The following CDH20 variants were observed in gnomAD, a reference collection of about 807,000 sequenced individuals.
CDH20 encodes cadherin-20.
CDH20 carries 29 observed loss-of-function variants against 74.2 expected under a neutral mutation model. The observed-to-expected ratio is 0.39, with a 90% CI of 0.29 to 0.53. The LOEUF is 0.53. Ranked by LOEUF, CDH20 falls within the 20% of genes least tolerant of loss-of-function variation. The probability of loss-of-function intolerance (pLI) is 0.69; values close to 1 mark genes in which losing one functional copy is unlikely to be tolerated. For synonymous variants in CDH20, 469 were observed against 405.4 expected, an observed-to-expected ratio of 1.16 and a Z score of -1.88; for missense variants, 988 against 1,048.3, an observed-to-expected ratio of 0.94 and a Z score of 0.79.
intron 1 of CDH20, among the ~76,000 whole-genome samples, chr18:61,455,973 G>A (rs773255010): frequency 3.9e-5 from 6 of 152,262 alleles, no homozygotes; most frequent in African/African-American, 9.6e-5. Flanking sequence ...ACTGGAAAAC[G>A]TTTAAATAGA....
chr18:61,475,070 G>A (rs555691457), intron 1 of CDH20, among the ~76,000 whole-genome samples: 2 of 152,178 alleles, frequency 1.3e-5, no homozygotes, highest in South Asian at 2.1e-4. Context: ...CATTAGAGAC[G>A]TTTAGCAGGT....
At chr18:61,418,763 A>G (rs917141471) in intron 1 of CDH20, among the ~76,000 whole-genome samples, 2 of 152,114 alleles carry the variant, frequency 1.3e-5, no homozygotes, top group African/African-American at 4.8e-5. Context: ...TTTTTATGCA[A>G]AAAATACAAT....
At chr18:61,350,618 T>C (rs1404757062) in intron 1 of CDH20, among the ~76,000 whole-genome samples, 1 of 152,196 alleles carries the variant, frequency 6.6e-6, no homozygotes, top group East Asian at 1.9e-4. Flanking sequence ...GGGTAATATA[T>C]GCTAGTTACT....
chr18:61,452,210 T>C (rs185818716), intron 1 of CDH20, among the ~76,000 whole-genome samples: 8 of 152,304 alleles, frequency 5.3e-5, no homozygotes, highest in Admixed American at 5.2e-4. Context: ...TCATTTCCAG[T>C]CTTCATAACT....
At chr18:61,495,148 G>A (rs769145463) in intron 2 of CDH20, among the ~76,000 whole-genome samples, 3 of 152,244 alleles carry the variant, frequency 2.0e-5, no homozygotes, top group East Asian at 1.9e-4. Context: ...GACTCTGCTC[G>A]GAAGCTTCTT....
chr18:61,370,539 T>C (rs781179619), intron 1 of CDH20, among the ~76,000 whole-genome samples: 5 of 152,118 alleles, frequency 3.3e-5, no homozygotes, highest in Non-Finnish European at 5.9e-5. Context: ...CAATGTGATG[T>C]TTGGTAAACA....
intron 1 of CDH20, among the ~76,000 whole-genome samples, chr18:61,449,542 C>G (rs966271664): frequency 6.6e-5 from 10 of 151,974 alleles, no homozygotes; most frequent in African/African-American, 2.4e-4. Flanking sequence ...ATATATTGTC[C>G]AAGCGAATAG....
Position 61,528,110 on chromosome 18 carries a change from T to G in CDH20, c.1161T>G (p.Pro387=), listed in dbSNP as rs1177012774. The G allele has an allele frequency of 6.2e-7, 1 of 1,614,176 alleles. No homozygotes were observed. The highest frequency in any genetic ancestry group is 1.1e-5 in the South Asian group (1 of 91,082). The change falls in exon 7 of 12, where the codon CCT becomes CCG. Residue 387 remains proline (P), a synonymous_variant. Coordinates refer to ENST00000262717, the MANE Select transcript of CDH20 (RefSeq NM_031891.4). ...GTGTGGAAGACGTGGACGAGCCCCC[T>G]GTGTTTGAACCTGGCTTTTACTTTG... ...HISVEDVDEP[P]VFEPGFYFVE...
intron 1 of CDH20, among the ~76,000 whole-genome samples, chr18:61,450,992 A>G (rs1041632350): frequency 6.6e-6 from 1 of 152,104 alleles, no homozygotes; most frequent in South Asian, 2.1e-4. Flanking sequence ...TTGCTGGCCC[A>G]TAATACACTC....
chr18:61,544,311 T>TA (rs1818243234), intron 9 of CDH20, among the ~76,000 whole-genome samples: 1 of 152,224 alleles, frequency 6.6e-6, no homozygotes, highest in Non-Finnish European at 1.5e-5. Flanking sequence ...GGGCGTGTGT[T>TA]ACAGTGTGCT....
chr18:61,492,603 GCGGT>G (rs1360146034), intron 2 of CDH20, among the ~76,000 whole-genome samples: 4 of 152,164 alleles, frequency 2.6e-5, no homozygotes, highest in African/African-American at 9.7e-5. Flanking sequence ...TCGCGTTGCA[GCGGT>G]ATGACCTTTG....
At chr18:61,339,742 C>T (rs1477338744) in intron 1 of CDH20, among the ~76,000 whole-genome samples, 1 of 124,532 alleles carries the variant, frequency 8.0e-6, no homozygotes. Flanking sequence ...GGCTGGAGTG[C>T]AGTGGCATGA....
chr18:61,360,345 AATGG>A (rs935660044), intron 1 of CDH20, among the ~76,000 whole-genome samples: 9 of 152,176 alleles, frequency 5.9e-5, no homozygotes, highest in African/African-American at 1.7e-4. Flanking sequence ...TAGATTGATG[AATGG>A]ATGGGGGAAA....
intron 10 of CDH20, among the ~76,000 whole-genome samples, chr18:61,547,339 A>G (rs539077314): frequency 2.9e-3 from 447 of 152,182 alleles, no homozygotes; most frequent in African/African-American, 0.01. Context: ...AAAAAAAGCC[A>G]CCACAACAAA....
intron 1 of CDH20, among the ~76,000 whole-genome samples, chr18:61,438,283 T>A (rs1016522899): frequency 1.3e-5 from 2 of 152,164 alleles, no homozygotes; most frequent in African/African-American, 4.8e-5. Flanking sequence ...TTCTCTGGCA[T>A]CATGTGTGCT....
At chr18:61,474,389 T>C (rs1473122838) in intron 1 of CDH20, among the ~76,000 whole-genome samples, 2 of 152,208 alleles carry the variant, frequency 1.3e-5, no homozygotes, top group African/African-American at 2.4e-5. Context: ...AAGATTTCCT[T>C]TTTTCAGACA....
chr18:61,488,704 A>G (rs560029327), intron 1 of CDH20, among the ~76,000 whole-genome samples: 15 of 84,270 alleles, frequency 1.8e-4, no homozygotes, highest in African/African-American at 6.4e-4. Flanking sequence ...GCATTCTGGC[A>G]GTGGCTTTTT....
chr18:61,452,718 A>C (rs1909435519), intron 1 of CDH20, among the ~76,000 whole-genome samples: 1 of 152,152 alleles, frequency 6.6e-6, no homozygotes, highest in South Asian at 2.1e-4. Flanking sequence ...CATGACAGCT[A>C]TGTAACACTT....
intron 6 of CDH20, among the ~76,000 whole-genome samples, chr18:61,517,242 G>A (rs1250931836): frequency 6.6e-6 from 1 of 152,154 alleles, no homozygotes; most frequent in Non-Finnish European, 1.5e-5. Flanking sequence ...CAAAGAAAAA[G>A]TAAGACTTCA....
Sources: gnomAD v4.1 joint callset for allele counts (sites outside exome capture counted in the v4.1 genomes callset) on GRCh38, gnomAD v4.1.1 for gene constraint, MANE v1.5 for transcripts, NCBI Gene and HGNC (gene_info 2026-07-23, HGNC 2026-07-21) for gene names.